The following SMARCA4 variants were observed in gnomAD, a reference collection of about 807,000 sequenced individuals.
The protein encoded by SMARCA4 is SWI/SNF related BAF chromatin remodeling complex subunit ATPase 4, also known as SWI/SNF-related matrix-associated actin-dependent regulator of chromatin subfamily A member 4.
A neutral mutation model predicts 193.9 loss-of-function variants in SMARCA4; 31 were observed. The observed-to-expected ratio is 0.16, with a 90% confidence interval of 0.12 to 0.22. SMARCA4 has a LOEUF of 0.22. SMARCA4 is among the 10% of genes least tolerant of loss of function. SMARCA4 has a pLI of 1.00. For missense variants in SMARCA4, 1,148 were observed against 2,296.0 expected, an observed-to-expected ratio of 0.50 and a Z score of 10.22; for synonymous variants, 942 against 933.1, an observed-to-expected ratio of 1.01 and a Z score of -0.17.
rs767036812 is a variant in SMARCA4, at chr19:10,986,411, G to A, written c.578G>A (p.Gly193Glu). The change falls in exon 4 of 35, where the codon GGG becomes GAG. Residue 193 changes from glycine (G) to glutamate (E), a missense_variant. By Grantham distance (98) the Gly-to-Glu change is moderately conservative (BLOSUM62 -2). Transcript: ENST00000344626. This position sits in a 1 kb window ranked among gnomAD's most constrained non-coding sequence, Gnocchi z 6.7. ...QIMAYKMLAR[G>E]QPLPDHLQMA... Reference sequence around the variant, plus strand: ...ATGGCCTACAAGATGCTGGCCAGGGGGCAGCCCCTCCCCGACCACCTGCAG... The same window carrying A: ...ATGGCCTACAAGATGCTGGCCAGGGAGCAGCCCCTCCCCGACCACCTGCAG... The A allele has an allele frequency of 6.3e-7, 1 of 1,586,598 alleles. No individual in the cohort carries two copies. Among genetic ancestry groups the A allele is most frequent in the Non-Finnish European group, 8.6e-7 (1 of 1,166,992 alleles).
chr19:11,026,214 C>T (rs2146511401), intron 22 of SMARCA4, 86 bp from the exon 23 acceptor site: 3 of 1,083,710 alleles, frequency 2.8e-6, no homozygotes, highest in Non-Finnish European at 4.3e-6. Context: ...GCTTTGTCCT[C>T]TGAGCACGAG....
chr19:11,033,629 T>TACTCCAAA lies in SMARCA4; in HGVS notation c.3774+112_3774+113insACTCCAAA. The TACTCCAAA allele has an allele frequency of 1.2e-6, 1 of 835,412 alleles. No homozygotes were observed. Among genetic ancestry groups the TACTCCAAA allele is most frequent in the Non-Finnish European group, 2.1e-6 (1 of 480,308 alleles). The allele number at this position is 835,412 out of a possible 1,614,324, so 51.7% of individuals were successfully genotyped here. A position where few individuals can be genotyped will look rare whatever the true frequency, so the allele number is the denominator to read the frequency against. On this transcript the variant is annotated intron_variant, in intron 26 of 34. Coordinates refer to ENST00000344626, the MANE Select transcript of SMARCA4 (RefSeq NM_003072.5). The surrounding 1 kb of genome is among the most constrained non-coding windows in gnomAD (Gnocchi z 9.8). ...CACTCTTATTTTTTTTGCATCCCTT[T>TACTCCAAA]GGAGTAAAGGGAGTGTGGGCTGAAC...
Position 10,986,949 on chromosome 19 carries a change from C to T in SMARCA4, c.805C>T (p.Pro269Ser), listed in dbSNP as rs759641262. The T allele has an allele frequency of 1.8e-5, 29 of 1,610,038 alleles. No homozygotes were observed. Among genetic ancestry groups the T allele is most frequent in the South Asian group, 6.6e-5 (6 of 91,082 alleles). The change falls in exon 5 of 35, where the codon CCC becomes TCC. Residue 269 changes from proline (P) to serine (S), a missense_variant. Physicochemically the swap from Pro to Ser is moderately conservative, Grantham distance 74 (BLOSUM62 -1). This residue lies in a region of SMARCA4 where 257 missense variants were observed against 276.5 expected (regional missense o/e 0.93). Coordinates refer to ENST00000344626, the MANE Select transcript of SMARCA4 (RefSeq NM_003072.5). The surrounding 1 kb of genome is among the most constrained non-coding windows in gnomAD (Gnocchi z 6.7). ...GCCTCCCCCAGGACCCTCGGGCGTGCCCCCCGGGATGCCAGGCCAGCCTCC... is the reference window on the plus strand; with the variant it reads ...GCCTCCCCCAGGACCCTCGGGCGTGTCCCCCGGGATGCCAGGCCAGCCTCC... ...NMPPPGPSGV[P>S]PGMPGQPPGG...
chr19:10,972,739 G>T (rs920781549), intron 1 of SMARCA4, among the ~76,000 whole-genome samples: 7 of 152,192 alleles, frequency 4.6e-5, no homozygotes, highest in Non-Finnish European at 8.8e-5. Flanking sequence ...CACGCTCAGT[G>T]TTGCGTATAT....
Position 10,986,818 on chromosome 19 carries a change from C to A in SMARCA4, c.761-87C>A. The A allele has an allele frequency of 2.3e-6, 3 of 1,299,168 alleles. No individual in the cohort carries two copies. The highest frequency in any genetic ancestry group is 1.2e-5 in the South Asian group (1 of 84,386). The allele number at this position is 1,299,168 out of a possible 1,614,324, so 80.5% of individuals were successfully genotyped here. A position where few individuals can be genotyped will look rare whatever the true frequency, so the allele number is the denominator to read the frequency against. ...TGGTTAATAGGTGTATCTGCTGTGT[C>A]CCCTGGAGCCAGGGCTGCCCACGGG... On this transcript the variant is annotated intron_variant, in intron 4 of 34. Coordinates refer to ENST00000344626, the MANE Select transcript of SMARCA4 (RefSeq NM_003072.5). The surrounding 1 kb of genome is among the most constrained non-coding windows in gnomAD (Gnocchi z 6.7).
chr19:11,020,376 T>C (rs1006153170), intron 18 of SMARCA4, among the ~76,000 whole-genome samples: 8 of 151,896 alleles, frequency 5.3e-5, no homozygotes, highest in Admixed American at 2.0e-4. Context: ...AACATCCAGC[T>C]GAGTGAGTGT....
intron 30 of SMARCA4, among the ~76,000 whole-genome samples, chr19:11,057,742 AC>A: frequency 6.6e-6 from 1 of 151,956 alleles, no homozygotes; most frequent in East Asian, 1.9e-4. Flanking sequence ...AAAACAAAAA[AC>A]AAAAAAATGT....
At chr19:11,024,301 G>A (rs2090093098) in intron 20 of SMARCA4, 30 bp from the exon 21 acceptor site, 2 of 1,520,014 alleles carry the variant, frequency 1.3e-6, no homozygotes, top group Non-Finnish European at 1.8e-6. Context: ...GCCACCTTGG[G>A]CCCTCGTGAG....
chr19:11,059,183 C>G (rs997253354), intron 32 of SMARCA4: 9 of 385,986 alleles, frequency 2.3e-5, no homozygotes, highest in African/African-American at 1.8e-4. Context: ...TATGTATTTA[C>G]CGAAGAAAAT....
chr19:10,986,332 C>A lies in SMARCA4; in HGVS notation c.499C>A (p.Arg167=), dbSNP rs11537673. The A allele has an allele frequency of 3.7e-6, 6 of 1,613,356 alleles. No individual in the cohort carries two copies. The highest frequency in any genetic ancestry group is 5.1e-6 in the Non-Finnish European group (6 of 1,179,880). The change falls in exon 4 of 35, where the codon CGG becomes AGG. Residue 167 remains arginine, a synonymous_variant. Coordinates refer to ENST00000344626, the MANE Select transcript of SMARCA4 (RefSeq NM_003072.5). The surrounding 1 kb of genome is among the most constrained non-coding windows in gnomAD (Gnocchi z 6.7). The part of the protein sequence containing the change: ...ADPQALGQQN[R]GPTPFNQNQL... ...CCCCCAGGCCTTGGGGCAGCAGAAC[C>A]GGGGCCCAACCCCATTTAACCAGAA...
chr19:11,043,810 C>CAA (rs2075752569), intron 30 of SMARCA4, among the ~76,000 whole-genome samples: 1 of 152,092 alleles, frequency 6.6e-6, no homozygotes, highest in Non-Finnish European at 1.5e-5. Flanking sequence ...CCCATCTCTA[C>CAA]AAAAAATACA....
chr19:10,961,496 T>A (rs1166434853), intron 1 of SMARCA4: 2 of 152,070 alleles, frequency 1.3e-5, no homozygotes, highest in Non-Finnish European at 2.9e-5. Flanking sequence ...CCGGCACCCC[T>A]ACAGTCGCCC....
chr19:11,049,333 A>G (rs538653526), intron 30 of SMARCA4, among the ~76,000 whole-genome samples: 1 of 152,306 alleles, frequency 6.6e-6, no homozygotes, highest in South Asian at 2.1e-4. Flanking sequence ...GGAACCTGCC[A>G]GAAATCGAAA....
Position 11,021,971 on chromosome 19 carries a change from G to A in SMARCA4, c.2859+4G>A, listed in dbSNP as rs1317459650. The A allele has an allele frequency of 3.7e-6, 6 of 1,611,714 alleles. No homozygotes were observed. The highest frequency in any genetic ancestry group is 2.5e-6 in the Non-Finnish European group (3 of 1,179,942). On this transcript the variant is annotated splice_donor_region_variant and intron_variant, in intron 19 of 34. Coordinates refer to ENST00000344626, the MANE Select transcript of SMARCA4 (RefSeq NM_003072.5). ...CTTTGCCATGACCGGGGAAAAGGTGGGTTTGCCCAGCTGTGCCCATGCTGA... is the reference window on the plus strand; with the variant it reads ...CTTTGCCATGACCGGGGAAAAGGTGAGTTTGCCCAGCTGTGCCCATGCTGA...
intron 8 of SMARCA4, 74 bp from the exon 9 acceptor site, chr19:10,994,754 T>C: frequency 7.2e-7 from 1 of 1,385,544 alleles, no homozygotes; most frequent in South Asian, 1.2e-5. Context: ...TTCTAGGTTT[T>C]AAACAAGCCT....
chr19:11,007,463 G>T (rs1398835055), intron 13 of SMARCA4, among the ~76,000 whole-genome samples: 1 of 150,536 alleles, frequency 6.6e-6, no homozygotes, highest in Non-Finnish European at 1.5e-5. Flanking sequence ...GATGTAGCCA[G>T]TGTGGTGGCA....
intron 8 of SMARCA4, among the ~76,000 whole-genome samples, chr19:10,994,317 G>A (rs1248685631): frequency 3.0e-5 from 4 of 135,450 alleles, no homozygotes; most frequent in Non-Finnish European, 6.3e-5. Context: ...CGATATTCTA[G>A]GTTTTTTTTT....
At chr19:11,061,733 G>T (rs556572820) in intron 34 of SMARCA4, 51 bp from the exon 35 acceptor site, 17 of 1,577,450 alleles carry the variant, frequency 1.1e-5, no homozygotes, top group Non-Finnish European at 1.4e-5. Context: ...CTGGCAAGGT[G>T]CCCTGGCAGG....
At chr19:11,046,139 C>T (rs889145662) in intron 30 of SMARCA4, among the ~76,000 whole-genome samples, 14 of 151,374 alleles carry the variant, frequency 9.2e-5, no homozygotes, top group East Asian at 1.9e-4. Context: ...AGGAGAATGG[C>T]GTGAACCCGG....
Sources: gnomAD v4.1 joint callset for allele counts (sites outside exome capture counted in the v4.1 genomes callset) on GRCh38, gnomAD v4.1.1 for gene constraint, gnomAD v4.1.1 regional missense constraint, Gnocchi (gnomAD v3.1) non-coding constraint, MANE v1.5 for transcripts, NCBI Gene and HGNC (gene_info 2026-07-23, HGNC 2026-07-21) for gene names.